NALF1: variants seen among roughly 807,000 people sequenced by gnomAD.
The protein encoded by NALF1 is NALCN channel auxiliary factor 1.
NALF1 carries 3 observed loss-of-function variants against 48.4 expected under a neutral mutation model. The ratio of observed to expected loss-of-function variants is 0.06; its 90% CI spans 0.03 to 0.16. NALF1 has a LOEUF of 0.16. NALF1 is among the 10% of genes least tolerant of loss of function. NALF1 has a pLI of 1.00. For synonymous variants in NALF1, 262 were observed against 245.7 expected, an observed-to-expected ratio of 1.07 and a Z score of -0.62; for missense variants, 526 against 571.5, an observed-to-expected ratio of 0.92 and a Z score of 0.81.
chr13:107,379,376 T>C (rs983833492), intron 1 of NALF1, among the ~76,000 whole-genome samples: 1 of 152,162 alleles, frequency 6.6e-6, no homozygotes, highest in African/African-American at 2.4e-5. Context: ...AACTCTCCAT[T>C]AGTTTCTCAA....
At chr13:107,241,306 T>C (rs947954699) in intron 1 of NALF1, among the ~76,000 whole-genome samples, 40 of 152,242 alleles carry the variant, frequency 2.6e-4, no homozygotes, top group African/African-American at 9.4e-4. Context: ...GAAGACCACC[T>C]GAACTGAAAG....
chr13:107,496,253 G>A (rs567568747), intron 1 of NALF1, among the ~76,000 whole-genome samples: 1 of 152,056 alleles, frequency 6.6e-6, no homozygotes, highest in Non-Finnish European at 1.5e-5. Flanking sequence ...GACATTTTAG[G>A]CACAAATAGT....
intron 1 of NALF1, among the ~76,000 whole-genome samples, chr13:107,215,547 C>T (rs191013376): frequency 2.6e-5 from 4 of 152,150 alleles, no homozygotes; most frequent in South Asian, 2.1e-4. Context: ...GCACAGCCTC[C>T]GGAGACAGAC....
intron 1 of NALF1, among the ~76,000 whole-genome samples, chr13:107,316,016 T>A (rs2138908801): frequency 6.6e-6 from 1 of 152,232 alleles, no homozygotes; most frequent in Non-Finnish European, 1.5e-5. Context: ...TCATTTACAT[T>A]AGGTATATCT....
chr13:107,591,606 C>T lies in NALF1; in HGVS notation c.915+274076G>A, dbSNP rs145813918. 6.1e-3 allele frequency among the ~76,000 whole-genome samples: 929 copies of T among 152,008 alleles called. 3 individuals carry two copies. Among genetic ancestry groups the T allele is most frequent in the Non-Finnish European group, 9.3e-3 (634 of 67,916 alleles). ...CTGGATTTAGGTCTGTTTGATTGTA[C>T]AGCCCTTCCCACTACTTTCATAAAA... On this transcript the variant is annotated intron_variant, in intron 1 of 2. Coordinates refer to ENST00000375915, the MANE Select transcript of NALF1 (RefSeq NM_001080396.3).
At chr13:107,604,962 C>A (rs1242276555) in intron 1 of NALF1, among the ~76,000 whole-genome samples, 1 of 152,172 alleles carries the variant, frequency 6.6e-6, no homozygotes, top group Non-Finnish European at 1.5e-5. Context: ...GTTTTACATG[C>A]ATCTTCTCAT....
chr13:107,496,804 A>G lies in NALF1; in HGVS notation c.916-286049T>C, dbSNP rs539981323. On this transcript the variant is annotated intron_variant, in intron 1 of 2. Coordinates refer to ENST00000375915, the MANE Select transcript of NALF1 (RefSeq NM_001080396.3). ...GATGGATGGGAGCAGGCAAAAAAGA[A>G]AGAGCTTGTGCAGGGAAACACCACG... Among the ~76,000 whole-genome samples the G allele has an allele frequency of 8.2e-4, 125 of 152,284 alleles. 1 individual carries two copies. Among genetic ancestry groups the G allele is most frequent in the African/African-American group, 2.9e-3 (119 of 41,576 alleles).
chr13:107,350,021 A>G (rs564813215), intron 1 of NALF1, among the ~76,000 whole-genome samples: 13 of 152,254 alleles, frequency 8.5e-5, no homozygotes, highest in Non-Finnish European at 1.5e-4. Context: ...GATCCCTCAC[A>G]TGCGCAGTTC....
intron 1 of NALF1, among the ~76,000 whole-genome samples, chr13:107,567,538 T>C (rs978649200): frequency 1.3e-5 from 2 of 152,198 alleles, no homozygotes; most frequent in Admixed American, 1.3e-4. Context: ...CAGAGAAATC[T>C]TGTACATATT....
intron 1 of NALF1, among the ~76,000 whole-genome samples, chr13:107,606,657 C>T (rs9301244): frequency 0.24 from 36,844 of 152,032 alleles, 5,132 homozygotes; most frequent in East Asian, 0.38. Context: ...TGAGCCACTG[C>T]GCCTGGCACC....
At chr13:107,176,573 C>T (rs957844019) in intron 2 of NALF1, among the ~76,000 whole-genome samples, 13 of 151,680 alleles carry the variant, frequency 8.6e-5, no homozygotes, top group African/African-American at 1.9e-4. Flanking sequence ...ACCCGGGAGG[C>T]GGAGCTTGCA....
chr13:107,743,989 A>G (rs1320546727), intron 1 of NALF1, among the ~76,000 whole-genome samples: 1 of 152,238 alleles, frequency 6.6e-6, no homozygotes, highest in African/African-American at 2.4e-5. Context: ...CTTGTAGAAG[A>G]CTAGCCCAGT....
intron 1 of NALF1, among the ~76,000 whole-genome samples, chr13:107,352,719 C>T (rs966554064): frequency 6.6e-6 from 1 of 152,282 alleles, no homozygotes; most frequent in South Asian, 2.1e-4. Context: ...ACCTCAAACA[C>T]TGGCATTTTG....
chr13:107,750,184 G>A (rs1410249805), intron 1 of NALF1, among the ~76,000 whole-genome samples: 1 of 152,100 alleles, frequency 6.6e-6, no homozygotes, highest in African/African-American at 2.4e-5. Flanking sequence ...TTGCCCAGTG[G>A]CTGCCACACT....
intron 1 of NALF1, among the ~76,000 whole-genome samples, chr13:107,766,208 C>T (rs981928124): frequency 4.6e-5 from 7 of 152,130 alleles, no homozygotes; most frequent in African/African-American, 1.7e-4. Context: ...TCTCTGAGGA[C>T]AGTTCTTAAA....
chr13:107,652,665 G>A (rs1482095695), intron 1 of NALF1, among the ~76,000 whole-genome samples: 4 of 151,946 alleles, frequency 2.6e-5, no homozygotes, highest in East Asian at 1.9e-4. Flanking sequence ...CCTAAGACTC[G>A]TCAGCTCAGA....
At chr13:107,349,179 A>G (rs1026018313) in intron 1 of NALF1, among the ~76,000 whole-genome samples, 1 of 152,156 alleles carries the variant, frequency 6.6e-6, no homozygotes, top group East Asian at 1.9e-4. Flanking sequence ...TAGCCTGTGC[A>G]TTTTCAGATA....
At position 107,272,556 on chromosome 13, in the gene NALF1, G is replaced by A. The variant is rs112097113; in HGVS notation, c.916-61801C>T. 3.6e-3 allele frequency among the ~76,000 whole-genome samples: 553 copies of A among 151,700 alleles called. 1 individual carries two copies. The highest frequency in any genetic ancestry group is 6.4e-3 in the Non-Finnish European group (434 of 67,574). On this transcript the variant is annotated intron_variant, in intron 1 of 2. Transcript: ENST00000375915. ...GGAAATTCATTGCCAGTATTTTTTG[G>A]AGCTATCTCTTCACTTACATTTATA...
intron 1 of NALF1, among the ~76,000 whole-genome samples, chr13:107,728,947 C>T (rs1398387661): frequency 3.3e-5 from 5 of 152,106 alleles, no homozygotes; most frequent in East Asian, 3.9e-4. Context: ...TCTTGGAAGA[C>T]ATTTTGACTT....
Sources: allele counts gnomAD v4.1 joint callset (sites outside exome capture counted in the v4.1 genomes callset), GRCh38; gene constraint gnomAD v4.1.1; transcripts MANE v1.5; gene names NCBI Gene and HGNC (gene_info 2026-07-23, HGNC 2026-07-21).